Variants in BMPER observed in about 807,000 individuals in gnomAD.
BMPER encodes BMP binding endothelial regulator.
BMPER carries 45 observed loss-of-function variants against 87.3 expected under a neutral mutation model. The observed-to-expected ratio is 0.52, with a 90% CI of 0.41 to 0.66. BMPER has a LOEUF of 0.66. BMPER is among the 30% of genes least tolerant of loss of function. The probability of loss-of-function intolerance (pLI) is 0.00; values close to 1 mark genes in which losing one functional copy is unlikely to be tolerated. For missense variants in BMPER, 784 were observed against 867.5 expected, an observed-to-expected ratio of 0.90 and a Z score of 1.21; for synonymous variants, 326 against 316.2, an observed-to-expected ratio of 1.03 and a Z score of -0.33.
intron 13 of BMPER, among the ~76,000 whole-genome samples, chr7:34,118,417 A>T (rs1182391568): frequency 6.6e-6 from 1 of 152,196 alleles, no homozygotes; most frequent in Admixed American, 6.5e-5. Flanking sequence ...CTCGTTTTTA[A>T]TGCAAGGCGT....
chr7:34,140,809 A>G (rs936848769), intron 13 of BMPER, among the ~76,000 whole-genome samples: 1 of 152,346 alleles, frequency 6.6e-6, no homozygotes, highest in South Asian at 2.1e-4. Context: ...ATTTTACAGA[A>G]TTACAGTAGA....
chr7:34,140,958 C>T (rs1409519419), intron 13 of BMPER, among the ~76,000 whole-genome samples: 1 of 152,052 alleles, frequency 6.6e-6, no homozygotes, highest in African/African-American at 2.4e-5. Flanking sequence ...AGAAAGAGAC[C>T]CACCCCCATG....
intron 6 of BMPER, among the ~76,000 whole-genome samples, chr7:34,020,920 T>C (rs2127946083): frequency 6.6e-6 from 1 of 151,666 alleles, no homozygotes; most frequent in Non-Finnish European, 1.5e-5. Flanking sequence ...GCATATGTTA[T>C]AGGGTGTGTG....
rs982157665 is a variant in BMPER, at chr7:34,141,074, C to T, written c.1746-2156C>T. ...CGAAAATGTCGCTGTGAAGTCTGAG[C>T]GTAAATATGATGGGTGTGGGTTATT... is the stretch of plus-strand genomic sequence containing the variant. On this transcript the variant is annotated intron_variant, in intron 13 of 14. Coordinates refer to ENST00000649409, the MANE Select transcript of BMPER (RefSeq NM_001365308.1). Among the ~76,000 whole-genome samples, 17 of 152,134 alleles carry T rather than the reference C, an allele frequency of 1.1e-4. No individual in the cohort carries two copies. In the East Asian group the frequency reaches 1.2e-3, roughly 10 times the overall value.
intron 3 of BMPER, among the ~76,000 whole-genome samples, chr7:33,953,226 G>A (rs1185602022): frequency 6.6e-6 from 1 of 152,214 alleles, no homozygotes; most frequent in African/African-American, 2.4e-5. Flanking sequence ...CAGAGGCAAG[G>A]CCACACAGAG....
intron 13 of BMPER, among the ~76,000 whole-genome samples, chr7:34,091,788 A>G (rs947197239): frequency 6.6e-6 from 1 of 152,162 alleles, no homozygotes; most frequent in Admixed American, 6.5e-5. Flanking sequence ...TAAAAATGCA[A>G]CCTCAGGCAT....
chr7:33,930,497 T>C (rs909904699), intron 2 of BMPER, among the ~76,000 whole-genome samples: 3 of 152,220 alleles, frequency 2.0e-5, no homozygotes, highest in Admixed American at 6.5e-5. Flanking sequence ...GAACAGACTT[T>C]GTCCAAAGGA....
chr7:33,909,680 C>CAAAA (rs60327948), intron 2 of BMPER, among the ~76,000 whole-genome samples: 4 of 53,506 alleles, frequency 7.5e-5, no homozygotes, highest in South Asian at 7.4e-4. Context: ...ATAACATGTA[C>CAAAA]AAAAAAAAAA....
intron 13 of BMPER, among the ~76,000 whole-genome samples, chr7:34,133,883 T>C (rs145256780): frequency 2.0e-5 from 3 of 152,312 alleles, no homozygotes; most frequent in South Asian, 2.1e-4. Flanking sequence ...CAGTTTAGTT[T>C]TTCCTTTAGT....
chr7:34,154,271 T>C lies in BMPER; in HGVS notation c.*998T>C, dbSNP rs1791258465. ...GCGACTGTTAATATGTTATAATTAT[T>C]AGACAGTGGAAAAGCCTTTATTGAC... On this transcript the variant is annotated 3_prime_UTR_variant, in exon 15 of 15. Transcript: ENST00000649409. 6.6e-6 allele frequency: 1 copy of C among 152,316 alleles called. No individual in the cohort carries two copies. Among genetic ancestry groups the C allele is most frequent in the Non-Finnish European group, 1.5e-5 (1 of 68,028 alleles). 9.4% of individuals were successfully genotyped at this position (152,316 alleles called of 1,614,324 possible).
intron 2 of BMPER, among the ~76,000 whole-genome samples, chr7:33,917,447 C>T (rs1784112309): frequency 6.6e-6 from 1 of 151,904 alleles, no homozygotes; most frequent in African/African-American, 2.4e-5. Flanking sequence ...ACTAACCTAC[C>T]TCTGCCAAAT....
At chr7:34,028,663 C>T (rs117747763) in intron 6 of BMPER, among the ~76,000 whole-genome samples, 2,448 of 42,814 alleles carry the variant, frequency 0.057, 28 homozygotes, top group Non-Finnish European at 0.081. Context: ...TTGGTTTCTT[C>T]GTATTTGTCC....
chr7:34,131,974 T>C (rs758359147), intron 13 of BMPER, among the ~76,000 whole-genome samples: 1 of 152,138 alleles, frequency 6.6e-6, no homozygotes, highest in Admixed American at 6.5e-5. Flanking sequence ...TAGGGATTCG[T>C]TGGGGGAAGG....
rs758779412 is a variant in BMPER at position 34,143,306 on chromosome 7, G to A, written c.1822G>A (p.Ala608Thr). ...CGAGTCATTTTTGGCATATACCCGGGCCTGCCAGAGAGAGGGCATCAAAGT... is the reference window on the plus strand; with the variant it reads ...CGAGTCATTTTTGGCATATACCCGGACCTGCCAGAGAGAGGGCATCAAAGT... Reference protein sequence around the residue: ...YCESFLAYTRACQREGIKVHW... With the variant: ...YCESFLAYTRTCQREGIKVHW... The change falls in exon 14 of 15, where the codon GCC (alanine) becomes ACC (threonine). Residue 608 changes from alanine (A) to threonine (T), a missense_variant. Ala to Thr is a moderately conservative substitution (Grantham distance 58). Transcript: ENST00000649409. The A allele has an allele frequency of 4.3e-6, 7 of 1,613,920 alleles. No individual in the cohort carries two copies. Among genetic ancestry groups the A allele is most frequent in the Non-Finnish European group, 5.9e-6 (7 of 1,179,976 alleles).
At chr7:34,086,299 C>T (rs995746995) in intron 13 of BMPER, among the ~76,000 whole-genome samples, 4 of 152,290 alleles carry the variant, frequency 2.6e-5, no homozygotes, top group Admixed American at 2.6e-4. Context: ...TATTTCAGAG[C>T]GATGTCCTCC....
At chr7:33,905,419 G>GCCCCCCCCCCCCCCCCCCCC, upstream of BMPER, 4 of 110,388 alleles carry the variant, frequency 3.6e-5, no homozygotes, top group Admixed American at 1.0e-4. Flanking sequence ...CTCCCCGGGC[G>GCCCCCCCCCCCCCCCCCCCC]CCCCCACACC....
chr7:34,111,183 G>A (rs1562750656), intron 13 of BMPER, among the ~76,000 whole-genome samples: 1 of 152,194 alleles, frequency 6.6e-6, no homozygotes, highest in Admixed American at 6.5e-5. Context: ...AGCGTTTATG[G>A]AATCTCCTGC....
chr7:34,101,833 G>T (rs1789689533), intron 13 of BMPER, among the ~76,000 whole-genome samples: 1 of 152,190 alleles, frequency 6.6e-6, no homozygotes, highest in Admixed American at 6.5e-5. Flanking sequence ...CCCTCAGGTG[G>T]TGGAGAGTCA....
chr7:33,959,938 G>A (rs186869408), intron 3 of BMPER, among the ~76,000 whole-genome samples: 1 of 151,946 alleles, frequency 6.6e-6, no homozygotes, highest in African/African-American at 2.4e-5. Context: ...AGTTGAATTT[G>A]CAAGTGATTC....
Sources: allele counts gnomAD v4.1 joint callset (sites outside exome capture counted in the v4.1 genomes callset), GRCh38; gene constraint gnomAD v4.1.1; transcripts MANE v1.5; gene names NCBI Gene and HGNC (gene_info 2026-07-23, HGNC 2026-07-21).